Variants in GRID2 observed in about 807,000 individuals in gnomAD.
The protein encoded by GRID2 is glutamate ionotropic receptor delta type subunit 2.
Under a neutral mutation model 114.8 loss-of-function variants are expected in GRID2, and 33 were observed. The ratio of observed to expected loss-of-function variants is 0.29; its 90% CI spans 0.22 to 0.38. The LOEUF is 0.38. GRID2 is among the 10% of genes least tolerant of loss of function. The pLI, the probability that GRID2 is intolerant of heterozygous loss-of-function variation, is 1.00. For synonymous variants in GRID2, 505 were observed against 449.9 expected, an observed-to-expected ratio of 1.12 and a Z score of -1.55; for missense variants, 1,184 against 1,257.7, an observed-to-expected ratio of 0.94 and a Z score of 0.89.
At chr4:92,424,069 T>C (rs1376455041) in intron 1 of GRID2, among the ~76,000 whole-genome samples, 1 of 152,074 alleles carries the variant, frequency 6.6e-6, no homozygotes, top group Non-Finnish European at 1.5e-5. Context: ...TTTGGAATTC[T>C]TGTGACATTA....
intron 1 of GRID2, among the ~76,000 whole-genome samples, chr4:92,307,477 T>C (rs1026092938): frequency 2.0e-5 from 3 of 152,174 alleles, no homozygotes; most frequent in African/African-American, 7.2e-5. Flanking sequence ...TGAATTATTT[T>C]GGTATTGAAC....
In GRID2 at chr4:93,630,129, G is replaced by C. The variant is rs75077558; in HGVS notation, c.2360+3694G>C. ...CCATAGAAATGGCTAGAAGAGTTTT[G>C]CTTCCTTTTGTGTCCTTTCTGCACA... On this transcript the variant is annotated intron_variant, in intron 14 of 15. Coordinates refer to ENST00000282020, the MANE Select transcript of GRID2 (RefSeq NM_001510.4). Among the ~76,000 whole-genome samples, 882 of 152,276 alleles carry C rather than the reference G, an allele frequency of 5.8e-3. 11 individuals carry two copies. Among genetic ancestry groups the C allele is most frequent in the African/African-American group, 0.02 (812 of 41,550 alleles).
intron 1 of GRID2, among the ~76,000 whole-genome samples, chr4:92,337,230 A>G (rs1486084356): frequency 6.6e-6 from 1 of 151,760 alleles, no homozygotes; most frequent in African/African-American, 2.4e-5. Flanking sequence ...TTAATTTTGG[A>G]TTGTTGTTTC....
At chr4:93,323,817 A>T (rs1013764974) in intron 8 of GRID2, among the ~76,000 whole-genome samples, 10 of 152,038 alleles carry the variant, frequency 6.6e-5, no homozygotes, top group East Asian at 3.9e-4. Flanking sequence ...CAATTGTGAA[A>T]GGGAGTTCAC....
At chr4:92,344,814 A>G (rs1475176527) in intron 1 of GRID2, among the ~76,000 whole-genome samples, 1 of 152,184 alleles carries the variant, frequency 6.6e-6, no homozygotes, top group Non-Finnish European at 1.5e-5. Context: ...TCCTTCTGCC[A>G]TCTTCTGTTT....
intron 4 of GRID2, among the ~76,000 whole-genome samples, chr4:93,132,317 C>T (rs780227676): frequency 6.6e-6 from 1 of 152,146 alleles, no homozygotes; most frequent in Non-Finnish European, 1.5e-5. Context: ...AAAATGTTTG[C>T]CTTATGTAGC....
chr4:92,378,212 C>A, intron 1 of GRID2, among the ~76,000 whole-genome samples: 1 of 151,794 alleles, frequency 6.6e-6, no homozygotes, highest in South Asian at 2.1e-4. Flanking sequence ...AGTCATCACC[C>A]CCAGCCCTGT....
chr4:93,051,183 G>T (rs934243751), intron 2 of GRID2, among the ~76,000 whole-genome samples: 6 of 151,952 alleles, frequency 3.9e-5, no homozygotes, highest in African/African-American at 1.4e-4. Flanking sequence ...TCATTAATAG[G>T]CACATATAAA....
chr4:93,627,056 A>C (rs898635681), intron 14 of GRID2, among the ~76,000 whole-genome samples: 2 of 152,222 alleles, frequency 1.3e-5, no homozygotes, highest in African/African-American at 4.8e-5. Context: ...TTTTAAATAT[A>C]TATTTTAGAT....
intron 8 of GRID2, among the ~76,000 whole-genome samples, chr4:93,308,764 C>G (rs1755705759): frequency 1.3e-5 from 2 of 152,088 alleles, no homozygotes; most frequent in African/African-American, 4.8e-5. Context: ...AAGACTTTTT[C>G]CAAAAATTGT....
intron 13 of GRID2, among the ~76,000 whole-genome samples, chr4:93,596,838 G>A (rs748549464): frequency 2.6e-5 from 4 of 152,114 alleles, no homozygotes; most frequent in Admixed American, 1.3e-4. Context: ...ACATTTATGA[G>A]GTTCTTCTAC....
intron 2 of GRID2, among the ~76,000 whole-genome samples, chr4:93,029,259 C>CA (rs962906952): frequency 5.9e-5 from 9 of 151,776 alleles, no homozygotes; most frequent in East Asian, 1.9e-4. Flanking sequence ...TTACCATCTT[C>CA]AAAAAAAATC....
At chr4:93,688,557 C>T (rs1445792299) in intron 14 of GRID2, among the ~76,000 whole-genome samples, 1 of 151,974 alleles carries the variant, frequency 6.6e-6, no homozygotes, top group South Asian at 2.1e-4. Context: ...TGGATTTCAA[C>T]CCTGATCTGT....
At chr4:93,438,792 A>T (rs900169241) in intron 10 of GRID2, among the ~76,000 whole-genome samples, 2 of 152,002 alleles carry the variant, frequency 1.3e-5, no homozygotes, top group African/African-American at 4.8e-5. Flanking sequence ...TTAACTTGTC[A>T]TTTAGCATTA....
chr4:93,153,672 G>C (rs563413305), intron 4 of GRID2, among the ~76,000 whole-genome samples: 1 of 152,178 alleles, frequency 6.6e-6, no homozygotes, highest in South Asian at 2.1e-4. Flanking sequence ...TAGTGTCCCA[G>C]TTTAGAAGGA....
chr4:93,287,962 TCTCTAC>T (rs529811949), intron 8 of GRID2, among the ~76,000 whole-genome samples: 41 of 152,320 alleles, frequency 2.7e-4, no homozygotes, highest in African/African-American at 9.9e-4. Flanking sequence ...ATTCTCCCTT[TCTCTAC>T]CTTGCTCTCC....
At chr4:92,713,871 T>G (rs567345855) in intron 2 of GRID2, among the ~76,000 whole-genome samples, 1 of 152,128 alleles carries the variant, frequency 6.6e-6, no homozygotes, top group African/African-American at 2.4e-5. Context: ...GAGTTACAAT[T>G]CAAGATGAGA....
intron 2 of GRID2, among the ~76,000 whole-genome samples, chr4:92,916,218 T>G (rs1748778495): frequency 6.6e-6 from 1 of 152,152 alleles, no homozygotes; most frequent in Non-Finnish European, 1.5e-5. Context: ...ATTTAAGACT[T>G]TAATACATAA....
At chr4:93,672,861 C>A (rs1401347976) in intron 14 of GRID2, among the ~76,000 whole-genome samples, 4 of 151,824 alleles carry the variant, frequency 2.6e-5, no homozygotes. Context: ...CTCTTTTTTT[C>A]CTTTGGTATC....
Sources: gnomAD v4.1 joint callset for allele counts (sites outside exome capture counted in the v4.1 genomes callset) on GRCh38, gnomAD v4.1.1 for gene constraint, MANE v1.5 for transcripts, NCBI Gene and HGNC (gene_info 2026-07-23, HGNC 2026-07-21) for gene names.